Variants in UACA observed in about 807,000 individuals in gnomAD.
UACA encodes uveal autoantigen with coiled-coil domains and ankyrin repeats.
In UACA, 112 loss-of-function variants were observed where a neutral mutation model predicts 160.5. That is an observed-to-expected ratio of 0.70 (90% CI 0.60 to 0.82). UACA has a LOEUF of 0.82. Ranked by LOEUF, UACA falls within the 40% of genes least tolerant of loss-of-function variation. UACA has a pLI of 0.00. For synonymous variants in UACA, 557 were observed against 568.4 expected (o/e 0.98, Z 0.29); for missense variants, 1,574 against 1,614.6 (o/e 0.97, Z 0.43).
At chr15:70,770,861 T>C in the UACA span, among the ~76,000 whole-genome samples, 1 of 152,292 alleles carries the variant, frequency 6.6e-6, no homozygotes, top group Non-Finnish European at 1.5e-5. Flanking sequence ...GTGGCACTCA[T>C]CAAGTCAACA....
chr15:70,736,278 G>A (rs903267644), intron 1 of UACA, among the ~76,000 whole-genome samples: 1 of 152,090 alleles, frequency 6.6e-6, no homozygotes, highest in Admixed American at 6.6e-5. Flanking sequence ...AATTTGGCAC[G>A]AGTAAGTAGT....
chr15:70,672,581 G>C (rs1257160510), intron 13 of UACA, among the ~76,000 whole-genome samples: 3 of 152,172 alleles, frequency 2.0e-5, no homozygotes, highest in African/African-American at 7.2e-5. Context: ...TAGCTACAGT[G>C]AATCAAAATA....
At chr15:70,676,935 T>C (rs1402954845) in intron 12 of UACA, among the ~76,000 whole-genome samples, 173 bp downstream of exon 12, 4 of 152,184 alleles carry the variant, frequency 2.6e-5, no homozygotes, top group Non-Finnish European at 5.9e-5. Flanking sequence ...CAATAATCTA[T>C]GCCACTACAT....
chr15:70,668,736 AT>A lies in UACA; in HGVS notation c.1947del (p.Lys649AsnfsTer2). On this transcript the variant is annotated frameshift_variant, in exon 16 of 19. Transcript: ENST00000322954. LOFTEE classifies it high-confidence loss of function. ...LSNEVNEKAKKLVEMEREHEK... is the reference protein window; with the variant it reads ...LSNEVNEKAKXLVEMEREHEK... Reference sequence around the variant, plus strand: ...TCATGTTCTCTTTCCATTTCTACTAATTTTTTTGCTTTCTCATTCACTTCAT... The same window carrying A: ...TCATGTTCTCTTTCCATTTCTACTAATTTTTTGCTTTCTCATTCACTTCAT... 2.5e-6 allele frequency: 4 copies of A among 1,613,340 alleles called. No individual in the cohort carries two copies. The highest frequency in any genetic ancestry group is 2.5e-6 in the Non-Finnish European group (3 of 1,179,882).
At chr15:70,714,208 C>T (rs1468536206) in intron 1 of UACA, among the ~76,000 whole-genome samples, 1 of 152,174 alleles carries the variant, frequency 6.6e-6, no homozygotes, top group African/African-American at 2.4e-5. Flanking sequence ...TTCTACAGTT[C>T]ACTGGATTGA....
chr15:70,703,002 A>C, intron 1 of UACA: 1 of 827,548 alleles, frequency 1.2e-6, no homozygotes, highest in Non-Finnish European at 1.6e-6. Flanking sequence ...GAAAAAAAAA[A>C]CTGGTTAAAC....
intron 15 of UACA, among the ~76,000 whole-genome samples, chr15:70,670,289 T>C (rs1458379218): frequency 1.3e-5 from 2 of 152,122 alleles, no homozygotes; most frequent in African/African-American, 4.8e-5. Context: ...GCACTACACA[T>C]GTGGCCCCTC....
chr15:70,754,237 A>G (rs1437906192), intron 1 of UACA: 1 of 446,210 alleles, frequency 2.2e-6, no homozygotes, highest in African/African-American at 2.0e-5. Flanking sequence ...ACAGTCCCCA[A>G]CTTATGATGG....
chr15:70,751,974 G>A (rs896961381), intron 1 of UACA, among the ~76,000 whole-genome samples: 1 of 152,048 alleles, frequency 6.6e-6, no homozygotes, highest in Admixed American at 6.6e-5. Context: ...AGTGGCTCAC[G>A]CCTGTGGGAG....
intron 1 of UACA, among the ~76,000 whole-genome samples, chr15:70,736,117 A>G (rs1235775120): frequency 5.3e-5 from 8 of 152,198 alleles, no homozygotes; most frequent in Non-Finnish European, 1.0e-4. Flanking sequence ...TTTAAGGGAA[A>G]CACCTCTGGT....
At chr15:70,772,222 G>A in the UACA span, among the ~76,000 whole-genome samples, 5 of 152,072 alleles carry the variant, frequency 3.3e-5, no homozygotes, top group African/African-American at 1.2e-4. Context: ...TCTAGGGCGC[G>A]GTGGCTCACG....
At chr15:70,659,287 T>C (rs1344210149) in intron 18 of UACA, among the ~76,000 whole-genome samples, 1 of 151,912 alleles carries the variant, frequency 6.6e-6, no homozygotes, top group Non-Finnish European at 1.5e-5. Flanking sequence ...GAATTTGATA[T>C]CATAAAGTAT....
At chr15:70,735,147 T>A (rs142547012) in intron 1 of UACA, among the ~76,000 whole-genome samples, 6 of 3,098 alleles carry the variant, frequency 1.9e-3, no homozygotes, top group Non-Finnish European at 2.5e-3. Flanking sequence ...TAGAGTATAA[T>A]AAAAAAAAAA....
chr15:70,664,077 AAACC>A lies in UACA; in HGVS notation c.4113+581_4113+584del, dbSNP rs1896818518. ...TTATTATTCTATTTTCTTGATGAGA[AAACC>A]AAGAGTTAAAGGGAATGTTCCTTGC... On this transcript the variant is annotated intron_variant, in intron 17 of 18. Transcript: ENST00000322954. Among the ~76,000 whole-genome samples the A allele has an allele frequency of 2.0e-5, 3 of 152,194 alleles. No homozygotes were observed. In the South Asian group the frequency reaches 6.2e-4, roughly 32 times the overall value.
At chr15:70,726,778 T>C (rs11855160) in intron 1 of UACA, among the ~76,000 whole-genome samples, 28,139 of 152,214 alleles carry the variant, frequency 0.18, 4,064 homozygotes, top group African/African-American at 0.4. Context: ...AACAAGTACC[T>C]GTCCAATTTA....
At chr15:70,746,849 T>C (rs1899721292) in intron 1 of UACA, among the ~76,000 whole-genome samples, 3 of 152,148 alleles carry the variant, frequency 2.0e-5, no homozygotes, top group Non-Finnish European at 2.9e-5. Flanking sequence ...TGGATGAAGC[T>C]AGAAACCATC....
chr15:70,663,322 C>A (rs1417649355), intron 17 of UACA, among the ~76,000 whole-genome samples: 3 of 152,118 alleles, frequency 2.0e-5, no homozygotes, highest in Middle Eastern at 3.2e-3. Flanking sequence ...CCATCTCACA[C>A]CAGTTAGAAT....
In UACA at chr15:70,655,535, T is replaced by A. The variant is rs976068926; in HGVS notation, c.*1521A>T. 6.6e-6 allele frequency: 1 copy of A among 152,192 alleles called. No homozygotes were observed. The highest frequency in any genetic ancestry group is 2.4e-5 in the African/African-American group (1 of 41,448). 9.4% of individuals were successfully genotyped at this position (152,192 alleles called of 1,614,324 possible). ...GAGCCACCACCCCCGGCAACTTTTT[T>A]AATTTATATTTTATTTTTTATTGAA... is the stretch of plus-strand genomic sequence containing the variant. On this transcript the variant is annotated 3_prime_UTR_variant, in exon 19 of 19. Transcript: ENST00000322954.
At position 70,702,248 on chromosome 15, in the gene UACA, T is replaced by C. The variant is rs894281015; in HGVS notation, c.79-2588A>G. 17 of 1,075,406 alleles carry C rather than the reference T, an allele frequency of 1.6e-5. No homozygotes were observed. In the Admixed American group the frequency reaches 3.1e-4, roughly 20 times the overall value. 66.6% of individuals were successfully genotyped at this position (1,075,406 alleles called of 1,614,324 possible). On this transcript the variant is annotated intron_variant, in intron 1 of 18. Transcript: ENST00000322954. ...CCTTTGAGGGACCCCACTGGAAAAC[T>C]TGAACAGCACTCTGCATCCTGCTGC...
Sources: gnomAD v4.1 joint callset for allele counts (sites outside exome capture counted in the v4.1 genomes callset) on GRCh38, gnomAD v4.1.1 for gene constraint, MANE v1.5 for transcripts, NCBI Gene and HGNC (gene_info 2026-07-23, HGNC 2026-07-21) for gene names.